G3BP2: variants seen among roughly 807,000 people sequenced by gnomAD.
G3BP2 encodes G3BP stress granule assembly factor 2.
In G3BP2, 11 loss-of-function variants were observed where a neutral mutation model predicts 56.7. The observed-to-expected ratio is 0.19, with a 90% CI of 0.12 to 0.32. The LOEUF is 0.32. Among genes scored for constraint, G3BP2 ranks in the 10% least tolerant of loss-of-function variants. G3BP2 has a pLI of 1.00. For synonymous variants in G3BP2, 165 were observed against 191.6 expected (o/e 0.86, Z 1.15); for missense variants, 340 against 610.9 (o/e 0.56, Z 4.67).
chr4:75,720,022 C>CT (rs67468716), intron 3 of G3BP2, among the ~76,000 whole-genome samples: 11 of 97,334 alleles, frequency 1.1e-4, no homozygotes, highest in East Asian at 3.4e-4. Context: ...GCCCAGAACC[C>CT]TTTTTTTTTT....
chr4:75,676,799 A>G (rs1733892991), upstream of G3BP2, among the ~76,000 whole-genome samples: 1 of 152,154 alleles, frequency 6.6e-6, no homozygotes, highest in Non-Finnish European at 1.5e-5. Context: ...GTTATAATTG[A>G]GATGGTCCCA....
At chr4:75,669,946 T>C (rs968426233) in intron 1 of G3BP2, among the ~76,000 whole-genome samples, 22 of 152,140 alleles carry the variant, frequency 1.4e-4, no homozygotes, top group South Asian at 6.2e-4. Flanking sequence ...ACAAAAAAGT[T>C]AGCCGTGTGC....
chr4:75,668,095 A>T (rs545512850), intron 1 of G3BP2, among the ~76,000 whole-genome samples: 2 of 152,296 alleles, frequency 1.3e-5, no homozygotes, highest in East Asian at 3.9e-4. Context: ...ATTTGTCACC[A>T]TATTTTCTGA....
upstream of G3BP2, among the ~76,000 whole-genome samples, chr4:75,674,714 A>ATT (rs1402681956): frequency 5.1e-4 from 28 of 54,800 alleles, no homozygotes; most frequent in Middle Eastern, 0.01. Flanking sequence ...ATATATATAT[A>ATT]TATATTTTTT....
intron 3 of G3BP2, among the ~76,000 whole-genome samples, chr4:75,716,707 G>T: frequency 6.6e-6 from 1 of 151,944 alleles, no homozygotes; most frequent in East Asian, 1.9e-4. Context: ...TAGACACGGG[G>T]TTTCTCCATG....
At position 75,655,058 on chromosome 4, in the gene G3BP2, G is replaced by C. The variant is rs761541723; in HGVS notation, c.726+8C>G. ...ATGTTGTAAGTCTAAAGAGTTCTTTGATCTAACCTTTGGTGGTTCTTGTGG... is the reference window on the plus strand; with the variant it reads ...ATGTTGTAAGTCTAAAGAGTTCTTTCATCTAACCTTTGGTGGTTCTTGTGG... On this transcript the variant is annotated splice_region_variant and intron_variant, in intron 7 of 11. Coordinates refer to ENST00000359707, the MANE Select transcript of G3BP2 (RefSeq NM_203505.3). 28 of 1,598,568 alleles carry C rather than the reference G, an allele frequency of 1.8e-5. No homozygotes were observed. In the Admixed American group the frequency reaches 2.4e-4, roughly 14 times the overall value.
chr4:75,691,913 G>A (rs1057449866), intron 3 of G3BP2, among the ~76,000 whole-genome samples: 7 of 152,078 alleles, frequency 4.6e-5, no homozygotes, highest in Non-Finnish European at 1.0e-4. Context: ...CTAATATGCA[G>A]CCCAAATTGA....
At chr4:75,674,718 ATTTTT>A (rs71203842), upstream of G3BP2, among the ~76,000 whole-genome samples, 9,723 of 70,778 alleles carry the variant, frequency 0.14, 710 homozygotes, top group Middle Eastern at 0.24. Flanking sequence ...ATATATATAT[ATTTTT>A]TTTTTTTTTT....
chr4:75,657,197 A>G (rs1732184120), intron 4 of G3BP2, among the ~76,000 whole-genome samples, 183 bp from the exon 5 acceptor site: 1 of 152,224 alleles, frequency 6.6e-6, no homozygotes, highest in Non-Finnish European at 1.5e-5. Context: ...AAAACATAAT[A>G]GCAAAACTCG....
At chr4:75,657,070 G>A (rs1732172843) in intron 4 of G3BP2, 56 bp from the exon 5 acceptor site, 1 of 742,560 alleles carries the variant, frequency 1.3e-6, no homozygotes, top group Admixed American at 2.7e-5. Context: ...TTATATAAAA[G>A]AGCAAATTAC....
chr4:75,696,432 C>T (rs933166160), intron 3 of G3BP2, among the ~76,000 whole-genome samples: 1 of 152,152 alleles, frequency 6.6e-6, no homozygotes, highest in African/African-American at 2.4e-5. Context: ...TCTTCCTTTT[C>T]AAAGTGGAAG....
intron 2 of G3BP2, among the ~76,000 whole-genome samples, chr4:75,660,932 C>T (rs549203428): frequency 2.6e-5 from 4 of 152,298 alleles, no homozygotes; most frequent in South Asian, 4.1e-4. Context: ...CAGATGTCCA[C>T]TTCTTGTTAA....
chr4:75,646,292 C>A (rs1731205179), intron 11 of G3BP2, 46 bp downstream of exon 11: 2 of 856,296 alleles, frequency 2.3e-6, no homozygotes, highest in African/African-American at 1.7e-5. Context: ...TTAATATATA[C>A]AACAGAAATA....
chr4:75,663,243 GAAAT>G (rs747641393), intron 1 of G3BP2, among the ~76,000 whole-genome samples: 69 of 152,210 alleles, frequency 4.5e-4, no homozygotes, highest in Non-Finnish European at 4.3e-4. Flanking sequence ...CAACTAACAT[GAAAT>G]AAATACAATT....
At chr4:75,652,061 T>C (rs140695642) in intron 8 of G3BP2, among the ~76,000 whole-genome samples, 3 of 152,340 alleles carry the variant, frequency 2.0e-5, no homozygotes, top group Non-Finnish European at 2.9e-5. Context: ...ATTTTAAGTA[T>C]AGCCTAAAGA....
At position 75,654,414 on chromosome 4, in the gene G3BP2, G is replaced by T. The variant is rs112351024; in HGVS notation, c.727-333C>A. 6.5e-3 allele frequency among the ~76,000 whole-genome samples: 987 copies of T among 152,294 alleles called. 14 individuals carry two copies. Among genetic ancestry groups the T allele is most frequent in the African/African-American group, 0.023 (950 of 41,562 alleles). On this transcript the variant is annotated intron_variant, in intron 7 of 11. Transcript: ENST00000359707. ...AATAGAAACAATTTATTTCCCCTTT[G>T]GGGGTAAGATAGGGTGTGTGATGGT...
Position 75,673,095 on chromosome 4 carries a change from C to A in G3BP2, c.-25+113G>T, listed in dbSNP as rs540388017. 3 of 1,047,054 alleles carry A rather than the reference C, an allele frequency of 2.9e-6. No homozygotes were observed. The East Asian group carries it at 2.1e-4, about 73-fold the overall frequency. The allele number at this position is 1,047,054 out of a possible 1,614,324, so 64.9% of individuals were successfully genotyped here. On this transcript the variant is annotated intron_variant, in intron 1 of 11. Coordinates refer to ENST00000359707, the MANE Select transcript of G3BP2 (RefSeq NM_203505.3). ...GGCAAGAACAATGTCTCTGCCGCTA[C>A]ACCTCCGGCTCCCGGGCTCACACAC...
At chr4:75,688,954 C>A (rs1406745522) in intron 3 of G3BP2, among the ~76,000 whole-genome samples, 1 of 152,154 alleles carries the variant, frequency 6.6e-6, no homozygotes, top group Non-Finnish European at 1.5e-5. Context: ...AAAAACACTA[C>A]TTCATCCCTA....
At chr4:75,703,367 C>G (rs1455518220) in intron 3 of G3BP2, among the ~76,000 whole-genome samples, 2 of 152,130 alleles carry the variant, frequency 1.3e-5, no homozygotes, top group Non-Finnish European at 2.9e-5. Context: ...CCACAACACT[C>G]CACCTCTCAA....
Sources: gnomAD v4.1 joint callset for allele counts (sites outside exome capture counted in the v4.1 genomes callset) on GRCh38, gnomAD v4.1.1 for gene constraint, MANE v1.5 for transcripts, NCBI Gene and HGNC (gene_info 2026-07-23, HGNC 2026-07-21) for gene names.